FOCAD: variants seen among roughly 807,000 people sequenced by gnomAD.
FOCAD encodes the protein KIAA1797.
FOCAD carries 198 observed loss-of-function variants against 225.6 expected under a neutral mutation model. That is an observed-to-expected ratio of 0.88 (90% CI 0.78 to 0.99). The LOEUF is 0.99. FOCAD is among the 50% of genes least tolerant of loss of function. The pLI is 0.00. For missense variants in FOCAD, 2,713 were observed against 2,123.6 expected, an observed-to-expected ratio of 1.28 and a Z score of -5.46; for synonymous variants, 897 against 755.0, an observed-to-expected ratio of 1.19 and a Z score of -3.08.
Position 20,853,555 on chromosome 9 carries a change from C to A in FOCAD, c.1921-9023C>A, listed in dbSNP as rs983953100. 2.0e-4 allele frequency among the ~76,000 whole-genome samples: 31 copies of A among 151,704 alleles called. 1 individual carries two copies. The highest frequency in any genetic ancestry group is 5.6e-4 in the African/African-American group (23 of 41,386). On this transcript the variant is annotated intron_variant, in intron 15 of 43. Coordinates refer to ENST00000338382, the MANE Select transcript of FOCAD (RefSeq NM_001375567.1). ...GGTTGTTAATATGAGAGTAGCTTTA[C>A]TACAAGTCCAAATATTTTTGATTCT...
chr9:20,723,186 A>G (rs958141772), intron 4 of FOCAD, among the ~76,000 whole-genome samples: 20 of 152,206 alleles, frequency 1.3e-4, no homozygotes, highest in African/African-American at 4.8e-4. Flanking sequence ...TTATTTTTAA[A>G]TTTAAAAATG....
At chr9:20,920,627 G>A (rs1320378468) in intron 24 of FOCAD, among the ~76,000 whole-genome samples, 1 of 148,464 alleles carries the variant, frequency 6.7e-6, no homozygotes, top group African/African-American at 2.5e-5. Flanking sequence ...GGAATACTAT[G>A]CAGCCATAAA....
At chr9:20,820,550 G>T (rs1824210451) in intron 13 of FOCAD, 125 bp downstream of exon 13, 1 of 724,748 alleles carries the variant, frequency 1.4e-6, no homozygotes, top group Non-Finnish European at 2.2e-6. Flanking sequence ...TGATTGCATT[G>T]AAAAAGTTTT....
intron 24 of FOCAD, among the ~76,000 whole-genome samples, chr9:20,920,212 A>G (rs1428160870): frequency 6.6e-6 from 1 of 151,522 alleles, no homozygotes; most frequent in South Asian, 2.1e-4. Context: ...ACATGAAAAA[A>G]TGCTCACCAT....
chr9:20,797,194 G>C (rs1295072065), intron 11 of FOCAD, among the ~76,000 whole-genome samples: 2 of 152,178 alleles, frequency 1.3e-5, no homozygotes, highest in Non-Finnish European at 1.5e-5. Flanking sequence ...TTTGGTACCA[G>C]TACCATGCTG....
chr9:20,819,758 A>T, intron 11 of FOCAD, 38 bp from the exon 12 acceptor site: 2 of 1,146,532 alleles, frequency 1.7e-6, no homozygotes, highest in Non-Finnish European at 1.2e-6. Flanking sequence ...CTTTTTTGTA[A>T]CAAGGCATAT....
chr9:20,732,650 G>A (rs1563924591), intron 4 of FOCAD, among the ~76,000 whole-genome samples: 1 of 152,142 alleles, frequency 6.6e-6, no homozygotes, highest in Admixed American at 6.5e-5. Flanking sequence ...AATGCAGTAT[G>A]AAGATTAAAA....
chr9:20,934,776 C>T (rs1318641942), intron 28 of FOCAD, among the ~76,000 whole-genome samples: 1 of 152,054 alleles, frequency 6.6e-6, no homozygotes. Context: ...AGTTTCTGGA[C>T]ACAAAATTAA....
chr9:20,661,313 T>A (rs1486622877), intron 2 of FOCAD, among the ~76,000 whole-genome samples: 1 of 152,120 alleles, frequency 6.6e-6, no homozygotes, highest in Non-Finnish European at 1.5e-5. Context: ...CAGCACCACT[T>A]AAAGATGTAT....
intron 35 of FOCAD, among the ~76,000 whole-genome samples, chr9:20,973,691 T>G (rs1476743014): frequency 6.6e-6 from 1 of 151,898 alleles, no homozygotes; most frequent in South Asian, 2.1e-4. Flanking sequence ...TCACGTTTGC[T>G]GACTCTGCCC....
chr9:20,759,827 A>G (rs1829406106), intron 6 of FOCAD, among the ~76,000 whole-genome samples: 1 of 152,260 alleles, frequency 6.6e-6, no homozygotes, highest in African/African-American at 2.4e-5. Flanking sequence ...AAGCTACTAC[A>G]CAATACATAT....
intron 43 of FOCAD, among the ~76,000 whole-genome samples, chr9:20,995,073 G>C (rs1434892184): frequency 6.6e-6 from 1 of 152,130 alleles, no homozygotes; most frequent in Non-Finnish European, 1.5e-5. Flanking sequence ...TTTGGGGACA[G>C]ATGTTCAGAT....
At chr9:20,789,663 T>A in intron 11 of FOCAD, 55 bp downstream of exon 11, 2 of 1,589,812 alleles carry the variant, frequency 1.3e-6, no homozygotes, top group East Asian at 2.2e-5. Context: ...TCATTGGAAA[T>A]GTAGATTATT....
intron 21 of FOCAD, among the ~76,000 whole-genome samples, chr9:20,902,338 G>A (rs546428848): frequency 2.4e-4 from 37 of 152,064 alleles, no homozygotes; most frequent in African/African-American, 8.7e-4. Context: ...GAAGCAGTGA[G>A]TGCAAAGGTC....
chr9:20,716,025 G>A, intron 2 of FOCAD: 1 of 356,432 alleles, frequency 2.8e-6, no homozygotes, highest in Non-Finnish European at 6.8e-6. Flanking sequence ...CAGACCAGCA[G>A]AAGCCATCTT....
chr9:20,913,030 G>A, intron 23 of FOCAD, 76 bp downstream of exon 23: 2 of 1,222,496 alleles, frequency 1.6e-6, no homozygotes, highest in South Asian at 1.3e-5. Context: ...TACTTTAAAG[G>A]CTTTAAGATT....
chr9:20,745,347 C>T (rs576863845), intron 5 of FOCAD, among the ~76,000 whole-genome samples: 1 of 152,232 alleles, frequency 6.6e-6, no homozygotes, highest in East Asian at 1.9e-4. Context: ...GCTTCGGCCT[C>T]CCAAAGTGCT....
chr9:20,667,254 A>G (rs1368729324), intron 2 of FOCAD, among the ~76,000 whole-genome samples: 3 of 152,172 alleles, frequency 2.0e-5, no homozygotes, highest in African/African-American at 4.8e-5. Flanking sequence ...AATTTTCACT[A>G]CTCAAAATAC....
chr9:20,778,436 G>A (rs1819013494), intron 8 of FOCAD, among the ~76,000 whole-genome samples: 1 of 152,074 alleles, frequency 6.6e-6, no homozygotes, highest in Admixed American at 6.6e-5. Context: ...TGGCTGGGCT[G>A]GTCTCGAACT....
Sources: allele counts gnomAD v4.1 joint callset (sites outside exome capture counted in the v4.1 genomes callset), GRCh38; gene constraint gnomAD v4.1.1; transcripts MANE v1.5; gene names NCBI Gene and HGNC (gene_info 2026-07-23, HGNC 2026-07-21).